The following ZNF423 variants were observed in gnomAD, a reference collection of about 807,000 sequenced individuals.
ZNF423 encodes Ebf-associated zinc finger protein.
In ZNF423, 12 loss-of-function variants were observed where a neutral mutation model predicts 95.8. The ratio of observed to expected loss-of-function variants is 0.13; its 90% confidence interval spans 0.08 to 0.20. The LOEUF is 0.20. Ranked by LOEUF, ZNF423 falls within the 10% of genes least tolerant of loss-of-function variation. The pLI is 1.00. For synonymous variants in ZNF423, 749 were observed against 711.9 expected, an observed-to-expected ratio of 1.05 and a Z score of -0.83; for missense variants, 1,316 against 1,737.1, an observed-to-expected ratio of 0.76 and a Z score of 4.31.
chr16:49,765,927 G>A (rs916265227), intron 2 of ZNF423, among the ~76,000 whole-genome samples: 12 of 152,266 alleles, frequency 7.9e-5, no homozygotes, highest in Non-Finnish European at 1.5e-4. Context: ...CCTAGGCGAC[G>A]GGGAATGGGG....
intron 1 of ZNF423, among the ~76,000 whole-genome samples, chr16:49,846,773 TG>T (rs1391121261): frequency 6.6e-6 from 1 of 152,214 alleles, no homozygotes; most frequent in Non-Finnish European, 1.5e-5. Context: ...AGTTCAAAAC[TG>T]CAGCCACAGG....
intron 7 of ZNF423, among the ~76,000 whole-genome samples, chr16:49,500,928 G>A (rs1187468838): frequency 2.0e-5 from 3 of 152,008 alleles, no homozygotes; most frequent in Admixed American, 6.6e-5. Flanking sequence ...TTGGGTGGAC[G>A]GGTTCTCAAA....
intron 1 of ZNF423, among the ~76,000 whole-genome samples, chr16:49,797,766 C>T (rs1382199014): frequency 1.3e-5 from 2 of 152,222 alleles, no homozygotes; most frequent in African/African-American, 4.8e-5. Flanking sequence ...GTTTCAACAG[C>T]ACAGGTAAGA....
At chr16:49,561,506 A>G (rs1211911802) in intron 5 of ZNF423, among the ~76,000 whole-genome samples, 1 of 152,188 alleles carries the variant, frequency 6.6e-6, no homozygotes, top group Non-Finnish European at 1.5e-5. Context: ...TATTCTTCGA[A>G]AGCAATATGA....
chr16:49,702,244 G>A (rs978543174), intron 3 of ZNF423, among the ~76,000 whole-genome samples: 1 of 152,174 alleles, frequency 6.6e-6, no homozygotes, highest in Non-Finnish European at 1.5e-5. Context: ...CTTTGGAGAC[G>A]CTCACACTGC....
At chr16:49,816,838 G>A (rs996975730) in intron 1 of ZNF423, among the ~76,000 whole-genome samples, 3 of 152,036 alleles carry the variant, frequency 2.0e-5, no homozygotes, top group Non-Finnish European at 2.9e-5. Flanking sequence ...CTAGAGGAGA[G>A]GCCTAAGCAA....
At chr16:49,795,619 G>T (rs549531305) in intron 1 of ZNF423, among the ~76,000 whole-genome samples, 1 of 152,196 alleles carries the variant, frequency 6.6e-6, no homozygotes, top group East Asian at 1.9e-4. Context: ...GTAGCCCTGC[G>T]AGGAGCTCCT....
intron 5 of ZNF423, among the ~76,000 whole-genome samples, chr16:49,623,584 A>C (rs967325810): frequency 6.6e-6 from 1 of 152,232 alleles, no homozygotes; most frequent in Non-Finnish European, 1.5e-5. Flanking sequence ...CACCTCCCTG[A>C]CACTCCGTGA....
intron 2 of ZNF423, among the ~76,000 whole-genome samples, chr16:49,739,508 T>C (rs939402266): frequency 3.3e-5 from 5 of 152,146 alleles, no homozygotes; most frequent in African/African-American, 1.2e-4. Context: ...CTTCCCAGAC[T>C]GTGCGATCCT....
At chr16:49,854,995 C>A (rs2035343785) in intron 1 of ZNF423, 2 of 984,860 alleles carry the variant, frequency 2.0e-6, no homozygotes, top group African/African-American at 1.7e-5. Flanking sequence ...GCGCGCACCG[C>A]GGCCGCTGAG....
At chr16:49,563,526 A>T (rs934000499) in intron 5 of ZNF423, among the ~76,000 whole-genome samples, 7 of 152,002 alleles carry the variant, frequency 4.6e-5, no homozygotes, top group African/African-American at 1.7e-4. Context: ...CTTCACAACA[A>T]CTCTCTGAGA....
rs1484893186 is a variant in ZNF423 at position 49,603,332 on chromosome 16, C to T, written c.3601+22838G>A. ...CTCCACACAGCACTGGCTTCAAGGA[C>T]GTGTAATACATGCAGTCACACAGGT... On this transcript the variant is annotated intron_variant, in intron 5 of 7. Coordinates refer to ENST00000563137, the MANE Select transcript of ZNF423 (RefSeq NM_001379286.1). The surrounding 1 kb of genome is among the most constrained non-coding windows in gnomAD (Gnocchi z 4.1). 1.3e-5 allele frequency among the ~76,000 whole-genome samples: 2 copies of T among 152,322 alleles called. No individual in the cohort carries two copies. Among genetic ancestry groups the T allele is most frequent in the East Asian group, 3.9e-4 (2 of 5,186 alleles).
intron 1 of ZNF423, among the ~76,000 whole-genome samples, chr16:49,840,335 G>T (rs117021076): frequency 2.0e-5 from 3 of 152,036 alleles, no homozygotes; most frequent in Admixed American, 6.6e-5. Context: ...TCTCTTTTTG[G>T]GGGGGTGGAA....
At chr16:49,744,599 G>T (rs563838162) in intron 2 of ZNF423, among the ~76,000 whole-genome samples, 1 of 152,352 alleles carries the variant, frequency 6.6e-6, no homozygotes, top group South Asian at 2.1e-4. Flanking sequence ...GATGGGGACT[G>T]CACTCAGACC....
chr16:49,600,325 A>T (rs1446857428), intron 5 of ZNF423, among the ~76,000 whole-genome samples: 1 of 151,974 alleles, frequency 6.6e-6, no homozygotes, highest in Non-Finnish European at 1.5e-5. Context: ...GTCCCTAAAA[A>T]ATAATAAATA....
intron 1 of ZNF423, among the ~76,000 whole-genome samples, chr16:49,850,333 C>A (rs1195481317): frequency 1.3e-5 from 2 of 152,186 alleles, no homozygotes; most frequent in Non-Finnish European, 2.9e-5. Flanking sequence ...TCTCTGATTA[C>A]CCGCTAACAT....
intron 2 of ZNF423, among the ~76,000 whole-genome samples, chr16:49,757,853 C>A (rs911223350): frequency 6.6e-6 from 1 of 152,160 alleles, no homozygotes; most frequent in African/African-American, 2.4e-5. Context: ...GAAAGAATGA[C>A]GCACAGGATC....
intron 2 of ZNF423, among the ~76,000 whole-genome samples, chr16:49,736,320 T>C (rs746304510): frequency 1.3e-5 from 2 of 151,998 alleles, no homozygotes; most frequent in East Asian, 3.9e-4. Context: ...TATGACGAGG[T>C]TGCCCTGTCC....
At chr16:49,582,027 A>G (rs965273627) in intron 5 of ZNF423, among the ~76,000 whole-genome samples, 3 of 152,182 alleles carry the variant, frequency 2.0e-5, no homozygotes. Context: ...CTTGGCTCAA[A>G]TATCTGGTTA....
Sources: allele counts gnomAD v4.1 joint callset (sites outside exome capture counted in the v4.1 genomes callset), GRCh38; gene constraint gnomAD v4.1.1; non-coding constraint Gnocchi (gnomAD v3.1); transcripts MANE v1.5; gene names NCBI Gene and HGNC (gene_info 2026-07-23, HGNC 2026-07-21).